The following L3MBTL4 variants were observed in gnomAD, a reference collection of about 807,000 sequenced individuals.
The protein encoded by L3MBTL4 is L3MBTL histone methyl-lysine binding protein 4.
L3MBTL4 carries 70 observed loss-of-function variants against 84.5 expected under a neutral mutation model. The ratio of observed to expected loss-of-function variants is 0.83; its 90% confidence interval spans 0.68 to 1.01. The LOEUF (loss-of-function observed/expected upper bound fraction) is 1.01, where lower values mean the gene tolerates loss of function less well. Ranked by LOEUF, L3MBTL4 falls within the 50% of genes least tolerant of loss-of-function variation. L3MBTL4 has a pLI of 0.00. For missense variants in L3MBTL4, 715 were observed against 754.8 expected, an observed-to-expected ratio of 0.95 and a Z score of 0.62; for synonymous variants, 274 against 259.8, an observed-to-expected ratio of 1.05 and a Z score of -0.52.
chr18:6,216,210 T>C (rs186437681), intron 10 of L3MBTL4, among the ~76,000 whole-genome samples: 621 of 151,524 alleles, frequency 4.1e-3, no homozygotes, highest in African/African-American at 0.015. Flanking sequence ...CCTCATACCA[T>C]GAATTGGAAA....
intron 1 of L3MBTL4, among the ~76,000 whole-genome samples, chr18:6,358,934 C>T (rs950934292): frequency 3.3e-5 from 5 of 152,148 alleles, no homozygotes; most frequent in African/African-American, 1.2e-4. Context: ...CAGTGGATAG[C>T]CCAGGTATGA....
At chr18:6,080,561 G>C (rs888101379) in intron 16 of L3MBTL4, among the ~76,000 whole-genome samples, 3 of 152,170 alleles carry the variant, frequency 2.0e-5, no homozygotes, top group Admixed American at 6.5e-5. Context: ...TTCCCTCCAT[G>C]GCCTCTGCAG....
At chr18:6,030,536 T>A in intron 16 of L3MBTL4, 1 of 899,440 alleles carries the variant, frequency 1.1e-6, no homozygotes, top group African/African-American at 1.8e-5. Flanking sequence ...TCTCACTCTG[T>A]CGCCCAGGCT....
intron 17 of L3MBTL4, among the ~76,000 whole-genome samples, chr18:5,963,785 G>C (rs908138318): frequency 6.6e-6 from 1 of 152,226 alleles, no homozygotes; most frequent in African/African-American, 2.4e-5. Context: ...CTTTAGCATA[G>C]AATAGAGTAA....
chr18:6,062,765 T>A (rs1217128719), intron 16 of L3MBTL4, among the ~76,000 whole-genome samples: 1 of 151,990 alleles, frequency 6.6e-6, no homozygotes, highest in African/African-American at 2.4e-5. Context: ...GTTGACTCTG[T>A]TAACGAGCCC....
chr18:6,336,131 G>A (rs2052324135), intron 1 of L3MBTL4, among the ~76,000 whole-genome samples: 1 of 152,028 alleles, frequency 6.6e-6, no homozygotes, highest in Non-Finnish European at 1.5e-5. Context: ...AATACTTTAA[G>A]GCAGACTAAC....
At chr18:6,071,805 A>AAAGAAAG (rs1568067053) in intron 16 of L3MBTL4, among the ~76,000 whole-genome samples, 1 of 119,918 alleles carries the variant, frequency 8.3e-6, no homozygotes, top group Non-Finnish European at 1.7e-5. Flanking sequence ...AAGAAAGAAA[A>AAAGAAAG]AGAAAGAAAG....
intron 10 of L3MBTL4, among the ~76,000 whole-genome samples, chr18:6,232,609 A>C (rs968170768): frequency 2.0e-5 from 3 of 152,092 alleles, no homozygotes; most frequent in Admixed American, 2.0e-4. Flanking sequence ...ATATTTTATG[A>C]AGCAGGAGTC....
At chr18:6,255,892 T>C (rs907333186) in intron 5 of L3MBTL4, among the ~76,000 whole-genome samples, 1 of 152,172 alleles carries the variant, frequency 6.6e-6, no homozygotes, top group African/African-American at 2.4e-5. Context: ...ATAAAGTATT[T>C]CACTGCATTT....
intron 12 of L3MBTL4, among the ~76,000 whole-genome samples, chr18:6,188,153 T>A: frequency 6.6e-6 from 1 of 152,044 alleles, no homozygotes; most frequent in East Asian, 1.9e-4. Context: ...GAATCTGAAA[T>A]GAGAAACTAT....
chr18:6,302,579 A>C (rs2050389954), intron 3 of L3MBTL4, among the ~76,000 whole-genome samples: 1 of 152,246 alleles, frequency 6.6e-6, no homozygotes, highest in South Asian at 2.1e-4. Context: ...AAAGACTAGG[A>C]AAGTGGCTTT....
intron 14 of L3MBTL4, among the ~76,000 whole-genome samples, chr18:6,097,425 C>T (rs971104865): frequency 2.0e-5 from 3 of 152,096 alleles, no homozygotes; most frequent in East Asian, 1.9e-4. Context: ...GTTTTAATGA[C>T]GTTAGGGTTT....
chr18:6,026,946 T>C (rs1309213784), intron 16 of L3MBTL4, among the ~76,000 whole-genome samples: 1 of 152,124 alleles, frequency 6.6e-6, no homozygotes. Flanking sequence ...AAAACCTAGA[T>C]TATTAATATT....
chr18:6,144,386 G>C lies in L3MBTL4; in HGVS notation c.1097-6090C>G, dbSNP rs9951148. Reference sequence around the variant, plus strand: ...TATCAAGCAGCATGAATAACTCCTAGTTCATTGCAAGTCTTCTAAGAAATC... The same window carrying C: ...TATCAAGCAGCATGAATAACTCCTACTTCATTGCAAGTCTTCTAAGAAATC... On this transcript the variant is annotated intron_variant, in intron 13 of 18. Transcript: ENST00000317931. Among the ~76,000 whole-genome samples, 72 of 152,162 alleles carry C rather than the reference G, an allele frequency of 4.7e-4. 1 individual carries two copies. The highest frequency in any genetic ancestry group is 1.6e-3 in the African/African-American group (68 of 41,494).
rs779087758 is a variant in L3MBTL4, at chr18:6,244,537, C to A, written c.271G>T (p.Glu91Ter). The change falls in exon 6 of 19, where the codon GAA becomes TAA. Residue 91 changes from glutamate (E) to a stop codon, truncating the protein, a stop_gained. Coordinates refer to ENST00000317931, the MANE Select transcript of L3MBTL4 (RefSeq NM_001330559.2). LOFTEE classifies it high-confidence loss of function. The part of the protein sequence containing the change: ...ENGFQIGMRL[E>*]GIDPRHPSVF... ...GATGGATGTCGGGGATCAATGCCTT[C>A]TAATCTCATTCCAATCTGAAAACCA... 6.2e-7 allele frequency: 1 copy of A among 1,614,042 alleles called. No individual in the cohort carries two copies. The highest frequency in any genetic ancestry group is 8.5e-7 in the Non-Finnish European group (1 of 1,179,910).
chr18:6,044,998 C>T (rs1351801868), intron 16 of L3MBTL4, among the ~76,000 whole-genome samples: 1 of 152,222 alleles, frequency 6.6e-6, no homozygotes, highest in Non-Finnish European at 1.5e-5. Context: ...CTGACAACCA[C>T]CACTATAGCT....
At chr18:6,144,772 AG>A (rs1568195807) in intron 13 of L3MBTL4, among the ~76,000 whole-genome samples, 1 of 152,208 alleles carries the variant, frequency 6.6e-6, no homozygotes, top group Non-Finnish European at 1.5e-5. Flanking sequence ...TCCTGTTAAA[AG>A]GGCGAAGATG....
In L3MBTL4 at chr18:6,164,347, C is replaced by T. The variant is rs188846965; in HGVS notation, c.1096+7481G>A. Among the ~76,000 whole-genome samples, 584 of 152,344 alleles carry T rather than the reference C, an allele frequency of 3.8e-3. 3 individuals carry two copies. Among genetic ancestry groups the T allele is most frequent in the African/African-American group, 0.013 (544 of 41,576 alleles). ...GAAGAGAGTAGTGGTTCTCCCAGCA[C>T]GCAGCTTGAGATCTGAGAATGGGCA... On this transcript the variant is annotated intron_variant, in intron 13 of 18. Coordinates refer to ENST00000317931, the MANE Select transcript of L3MBTL4 (RefSeq NM_001330559.2).
In L3MBTL4 at chr18:6,269,542, A is replaced by G. The variant is rs1285437717; in HGVS notation, c.128-5504T>C. On this transcript the variant is annotated intron_variant, in intron 4 of 18. Transcript: ENST00000317931. ...TATAGCCAAAAATTAAGATGTTACA[A>G]TTCACTGATCTATTCATCCCAACTT... Among the ~76,000 whole-genome samples, 4 of 152,328 alleles carry G rather than the reference A, an allele frequency of 2.6e-5. No individual in the cohort carries two copies. The East Asian group carries it at 5.8e-4, about 22-fold the overall frequency.
Sources: gnomAD v4.1 joint callset for allele counts (sites outside exome capture counted in the v4.1 genomes callset) on GRCh38, gnomAD v4.1.1 for gene constraint, MANE v1.5 for transcripts, NCBI Gene and HGNC (gene_info 2026-07-23, HGNC 2026-07-21) for gene names.